The following RPL36A variants were observed in gnomAD, a reference collection of about 807,000 sequenced individuals.
The protein encoded by RPL36A is ribosomal protein L36a, also known as large ribosomal subunit protein eL42.
For missense variants in RPL36A, 20 were observed against 81.0 expected (o/e 0.25, Z 2.89); for synonymous variants, 25 against 28.5 (o/e 0.88, Z 0.39).
intron 3 of RPL36A, 173 bp downstream of exon 3, chrX:101,391,995 CCA>C (rs1927826512): frequency 8.6e-7 from 1 of 1,167,178 alleles, no homozygotes; most frequent in African/African-American, 1.8e-5. Context: ...TCTGACTAGT[CCA>C]CAATACTGCA....
chrX:101,391,683 T>C (rs1267928556), intron 2 of RPL36A, 72 bp from the exon 3 acceptor site: 2 of 1,197,343 alleles, frequency 1.7e-6, no homozygotes, highest in Non-Finnish European at 2.3e-6. Flanking sequence ...TGCTGCGAAA[T>C]TAAGATAAAA....
chrX:101,394,719 TTTATATA>T (rs1355314048), intron 3 of RPL36A, among the ~76,000 whole-genome samples: 65 of 101,737 alleles, frequency 6.4e-4, no homozygotes, highest in Admixed American at 2.4e-3. Context: ...TATATATATA[TTTATATA>T]TTATATATTA....
In RPL36A at chrX:101,395,465, AT is replaced by A; in HGVS notation, c.300+10del. 2 of 1,203,352 alleles carry A rather than the reference AT, an allele frequency of 1.7e-6. No homozygotes were observed. Among genetic ancestry groups the A allele is most frequent in the Non-Finnish European group, 2.2e-6 (2 of 893,202 alleles). ...GGAGATAAGAAGAGAAAGGTATATA[AT>A]TATGGGTGGAAGGTGCAATCTTTTT... On this transcript the variant is annotated intron_variant, in intron 4 of 4. Coordinates refer to ENST00000553110, the MANE Select transcript of RPL36A (RefSeq NM_021029.6).
chrX:101,395,641 GGTGA>G (rs1927997341), intron 4 of RPL36A, 83 bp from the exon 5 acceptor site: 2 of 1,119,562 alleles, frequency 1.8e-6, no homozygotes, highest in Non-Finnish European at 2.4e-6. Flanking sequence ...TTAACAGCAT[GGTGA>G]GTATTTTAGG....
intron 2 of RPL36A, 85 bp downstream of exon 2, chrX:101,391,649 G>C: frequency 8.4e-7 from 1 of 1,195,071 alleles, no homozygotes; most frequent in South Asian, 1.8e-5. Flanking sequence ...CTCCCTCCAC[G>C]CCTGGCTTGA....
At position 101,391,922 on chromosome X, in the gene RPL36A, T is replaced by A. The variant is rs1225775011; in HGVS notation, c.177+100T>A. On this transcript the variant is annotated intron_variant, in intron 3 of 4. Transcript: ENST00000553110. ...TTCATGATATAGGTATAGCGTTAGT[T>A]TAGCGAAGTTTTCACTGCACTGATA... 15 of 1,188,304 alleles carry A rather than the reference T, an allele frequency of 1.3e-5. 1 individual carries two copies. The East Asian group carries it at 1.5e-4, about 12-fold the overall frequency.
At chrX:101,392,484 T>A in intron 3 of RPL36A, 2 of 759,703 alleles carry the variant, frequency 2.6e-6, no homozygotes, top group Non-Finnish European at 1.6e-6. Context: ...TTGGATGCAG[T>A]AAGTGGTTTG....
rs2147463075 is a variant in RPL36A, at chrX:101,391,514, C to G, written c.59C>G (p.Pro20Arg). ...TGTAAGAAGTGTGGCAAGCACCAAC[C>G]CCATAAAGTGACACAGTACAAGAAG... ...TFCKKCGKHQ[P>R]HKVTQYKKGK... Residue 20 changes from proline (P) to arginine (R), a missense_variant, in exon 2 of 5, where the codon CCC (proline) becomes CGC (arginine). Coordinates refer to ENST00000553110, the MANE Select transcript of RPL36A (RefSeq NM_021029.6). The G allele has an allele frequency of 8.3e-7, 1 of 1,211,739 alleles. No homozygotes were observed. The highest frequency in any genetic ancestry group is 3.0e-5 in the East Asian group (1 of 33,846).
At chrX:101,392,008 C>T (rs782254809) in intron 3 of RPL36A, 186 bp downstream of exon 3, 88 of 1,163,899 alleles carry the variant, frequency 7.6e-5, no homozygotes, top group Middle Eastern at 2.3e-4. Flanking sequence ...CAATACTGCA[C>T]TATTTCAGTG....
At chrX:101,392,604 A>G in intron 3 of RPL36A, 1 of 754,230 alleles carries the variant, frequency 1.3e-6, no homozygotes, top group South Asian at 6.7e-5. Context: ...ACTGCAAACT[A>G]GCAGCAGCAG....
intron 1 of RPL36A, 156 bp downstream of exon 1, chrX:101,391,202 C>T: frequency 3.0e-6 from 2 of 672,374 alleles, no homozygotes; most frequent in East Asian, 6.5e-5. Flanking sequence ...GACCGGGCTA[C>T]GGGGCCAGGA....
rs782261251 is a variant in RPL36A, at chrX:101,395,836, T to C, written c.*88T>C. On this transcript the variant is annotated 3_prime_UTR_variant, in exon 5 of 5. Coordinates refer to ENST00000553110, the MANE Select transcript of RPL36A (RefSeq NM_021029.6). ...GTTCATCTTTTGGGAGGGAATAAGCTAGAGCCATCAATACAATTCCGCTTG... is the reference window on the plus strand; with the variant it reads ...GTTCATCTTTTGGGAGGGAATAAGCCAGAGCCATCAATACAATTCCGCTTG... The C allele has an allele frequency of 3.3e-6, 3 of 904,314 alleles. No individual in the cohort carries two copies. Among genetic ancestry groups the C allele is most frequent in the Non-Finnish European group, 4.7e-6 (3 of 638,081 alleles). The allele number at this position is 904,314 out of a possible 1,213,427, so 74.5% of individuals were successfully genotyped here. A position where few individuals can be genotyped will look rare whatever the true frequency, so the allele number is the denominator to read the frequency against.
At chrX:101,391,846 G>A (rs375882151) in intron 3 of RPL36A, 24 bp downstream of exon 3, 3 of 1,202,359 alleles carry the variant, frequency 2.5e-6, no homozygotes, top group African/African-American at 3.5e-5. Flanking sequence ...ACTATTTGAC[G>A]TTTCCCAGTT....
intron 3 of RPL36A, chrX:101,395,117 T>G: frequency 3.9e-6 from 1 of 256,621 alleles, no homozygotes; most frequent in Non-Finnish European, 6.6e-6. Flanking sequence ...GTCCACAAGT[T>G]CTACACATTT....
At chrX:101,395,514 G>A (rs1927991806) in intron 4 of RPL36A, 57 bp downstream of exon 4, 2 of 1,177,548 alleles carry the variant, frequency 1.7e-6, no homozygotes, top group Non-Finnish European at 2.3e-6. Context: ...ATTTGAAAAG[G>A]TGAACATCTA....
In RPL36A at chrX:101,396,135, GA is replaced by G; in HGVS notation, c.*389del. ...TTGTTATAACAGTTAATTTAATAAA[GA>G]ATTTTGGCATTGTTCTTCAGACACA... On this transcript the variant is annotated 3_prime_UTR_variant, in exon 5 of 5. Transcript: ENST00000553110. 1 of 159,429 alleles carries G rather than the reference GA, an allele frequency of 6.3e-6. No individual in the cohort carries two copies. Among genetic ancestry groups the G allele is most frequent in the East Asian group, 1.6e-4 (1 of 6,404 alleles). 13.1% of individuals were successfully genotyped at this position (159,429 alleles called of 1,213,427 possible). A position where few individuals can be genotyped will look rare whatever the true frequency, so the allele number is the denominator to read the frequency against.
intron 3 of RPL36A, 94 bp downstream of exon 3, chrX:101,391,916 G>A (rs1264116373): frequency 8.4e-7 from 1 of 1,190,539 alleles, no homozygotes; most frequent in Non-Finnish European, 1.1e-6. Context: ...TAGGTATAGC[G>A]TTAGTTTAGC....
rs1023100776 is a variant in RPL36A, at chrX:101,395,929, C to T, written c.*181C>T. The T allele has an allele frequency of 6.9e-6, 3 of 435,815 alleles. No individual in the cohort carries two copies. The highest frequency in any genetic ancestry group is 7.7e-5 in the East Asian group (2 of 26,018). The allele number at this position is 435,815 out of a possible 1,213,427, so 35.9% of individuals were successfully genotyped here. ...TGAAGCTGACTGGTTGAGTTCACAT[C>T]ATATGTTGCAATTTTCTAATTTGGC... On this transcript the variant is annotated 3_prime_UTR_variant, in exon 5 of 5. Transcript: ENST00000553110.
At chrX:101,394,109 C>T (rs1044777529) in intron 3 of RPL36A, among the ~76,000 whole-genome samples, 18 of 111,294 alleles carry the variant, frequency 1.6e-4, no homozygotes, top group Non-Finnish European at 3.4e-4. Context: ...GCGGGTGTAT[C>T]ACCTGAGGTC....
Sources: allele counts gnomAD v4.1 joint callset (sites outside exome capture counted in the v4.1 genomes callset), GRCh38; gene constraint gnomAD v4.1.1; transcripts MANE v1.5; gene names NCBI Gene and HGNC (gene_info 2026-07-23, HGNC 2026-07-21).